PCDHA10: variants seen among roughly 807,000 people sequenced by gnomAD.
The protein encoded by PCDHA10 is protocadherin alpha-10.
Under a neutral mutation model 61.2 loss-of-function variants are expected in PCDHA10, and 45 were observed. The ratio of observed to expected loss-of-function variants is 0.74; its 90% CI spans 0.58 to 0.94. PCDHA10 has a LOEUF of 0.94. PCDHA10 is among the 40% of genes least tolerant of loss of function. The pLI is 0.00. For synonymous variants in PCDHA10, 602 were observed against 548.8 expected (o/e 1.10, Z -1.35); for missense variants, 1,278 against 1,236.2 (o/e 1.03, Z -0.51).
chr5:140,983,629 T>C (rs2097059537), intron 3 of PCDHA10, among the ~76,000 whole-genome samples: 1 of 152,228 alleles, frequency 6.6e-6, no homozygotes, highest in African/African-American at 2.4e-5. Flanking sequence ...TTAAGAAATG[T>C]ACCCAAGTTC....
chr5:140,957,827 T>C (rs2095387768), intron 1 of PCDHA10, among the ~76,000 whole-genome samples: 1 of 150,810 alleles, frequency 6.6e-6, no homozygotes, highest in Admixed American at 6.7e-5. Flanking sequence ...TAAGAGAAAG[T>C]GTTAATTGAT....
At chr5:140,884,456 G>T in intron 1 of PCDHA10, 2 of 1,613,768 alleles carry the variant, frequency 1.2e-6, no homozygotes, top group Non-Finnish European at 1.7e-6. Context: ...GCCCACCGAG[G>T]GCGCGTGCGC....
chr5:140,877,516 G>A, intron 1 of PCDHA10: 1 of 1,613,816 alleles, frequency 6.2e-7, no homozygotes, highest in Non-Finnish European at 8.5e-7. Flanking sequence ...GTCGTCGCGG[G>A]CCTCAGTGGG....
At chr5:140,934,879 T>C (rs1202301097) in intron 1 of PCDHA10, among the ~76,000 whole-genome samples, 1 of 152,206 alleles carries the variant, frequency 6.6e-6, no homozygotes, top group African/African-American at 2.4e-5. Flanking sequence ...TGTTTGTGTA[T>C]CTTGTTTTAA....
intron 1 of PCDHA10, among the ~76,000 whole-genome samples, chr5:140,931,598 A>G (rs2087630191): frequency 6.6e-6 from 1 of 152,200 alleles, no homozygotes; most frequent in African/African-American, 2.4e-5. Context: ...GTCTTTTTCC[A>G]TCATTGTTGA....
At chr5:141,001,997 CA>C (rs1587968703) in intron 3 of PCDHA10, among the ~76,000 whole-genome samples, 1 of 152,190 alleles carries the variant, frequency 6.6e-6, no homozygotes, top group Admixed American at 6.5e-5. Flanking sequence ...AGTTCACTTG[CA>C]AACACAGAAT....
At position 140,926,851 on chromosome 5, in the gene PCDHA10, T is replaced by G. The variant is rs201136210; in HGVS notation, c.2389-52098T>G. On this transcript the variant is annotated intron_variant, in intron 1 of 3. Transcript: ENST00000307360. The stretch of plus-strand genomic sequence containing the variant: ...TCCGGAGCATGGTCCTGGGTCACCG[T>G]TGGTGTAGCGTGTTGGTGGAACGTG... 3 of 1,517,102 alleles carry G rather than the reference T, an allele frequency of 2.0e-6. No homozygotes were observed. In the African/African-American group the frequency reaches 4.2e-5, roughly 21 times the overall value. The allele number at this position is 1,517,102 out of a possible 1,614,324, so 94.0% of individuals were successfully genotyped here.
intron 1 of PCDHA10, chr5:140,883,801 C>T (rs782690228): frequency 4.3e-6 from 7 of 1,612,430 alleles, no homozygotes; most frequent in Non-Finnish European, 5.9e-6. Context: ...TGTCGGTGCA[C>T]GCGGAGAGCG....
intron 1 of PCDHA10, among the ~76,000 whole-genome samples, chr5:140,935,116 C>T (rs2090194943): frequency 6.6e-6 from 1 of 152,126 alleles, no homozygotes; most frequent in Non-Finnish European, 1.5e-5. Flanking sequence ...AGAGCTTTCA[C>T]TTATTTTTAG....
At chr5:140,918,432 T>C (rs1462854272) in intron 1 of PCDHA10, among the ~76,000 whole-genome samples, 2 of 152,204 alleles carry the variant, frequency 1.3e-5, no homozygotes, top group Non-Finnish European at 2.9e-5. Context: ...GGATGTTGAA[T>C]AGGAGTGGTG....
intron 1 of PCDHA10, chr5:140,870,468 A>G: frequency 1.2e-6 from 2 of 1,614,214 alleles, no homozygotes; most frequent in Non-Finnish European, 8.5e-7. Flanking sequence ...CTGCGTTCGC[A>G]CAGCCCGAGT....
intron 1 of PCDHA10, chr5:140,927,771 G>C: frequency 6.2e-7 from 1 of 1,614,210 alleles, no homozygotes; most frequent in Non-Finnish European, 8.5e-7. Flanking sequence ...GTGGGGAGGT[G>C]CAAGTAGCTG....
At chr5:140,967,246 G>A in intron 1 of PCDHA10, 1 of 1,613,594 alleles carries the variant, frequency 6.2e-7, no homozygotes, top group Non-Finnish European at 8.5e-7. Context: ...TAAGCGAATC[G>A]GTGGCGCCTG....
rs782778779 is a variant in PCDHA10, at chr5:140,858,081, C to T, written c.2033C>T (p.Ser678Leu). Reference protein sequence around the residue: ...LVEGSQAPKASSRASVGVAPE... With the variant: ...LVEGSQAPKALSRASVGVAPE... ...GAGGGCAGCCAGGCACCCAAGGCCT[C>T]GTCGCGGGCTTCAGTGGGCGTGGCG... Residue 678 changes from serine (S) to leucine (L), a missense_variant, in exon 1 of 4, where the codon TCG becomes TTG. Transcript: ENST00000307360. The T allele has an allele frequency of 6.9e-6, 11 of 1,597,646 alleles. 3 individuals are homozygous for T. The highest frequency in any genetic ancestry group is 1.7e-5 in the Admixed American group (1 of 59,270).
chr5:140,882,748 A>G (rs1562779294), intron 1 of PCDHA10: 1 of 1,614,258 alleles, frequency 6.2e-7, no homozygotes, highest in Non-Finnish European at 8.5e-7. Flanking sequence ...CATCCGATGC[A>G]GATATTGGAG....
chr5:140,933,900 G>T (rs941556210), intron 1 of PCDHA10, among the ~76,000 whole-genome samples: 1 of 151,518 alleles, frequency 6.6e-6, no homozygotes, highest in South Asian at 2.1e-4. Flanking sequence ...GAATATTTTG[G>T]CATAAAGTTG....
At chr5:140,929,353 C>T in intron 1 of PCDHA10, 1 of 1,527,090 alleles carries the variant, frequency 6.5e-7, no homozygotes, top group Non-Finnish European at 8.8e-7. Context: ...AATTTGATTC[C>T]TTTGGCCCGG....
At chr5:141,002,532 C>T (rs571310813) in intron 3 of PCDHA10, among the ~76,000 whole-genome samples, 26 of 152,270 alleles carry the variant, frequency 1.7e-4, no homozygotes, top group African/African-American at 6.0e-4. Flanking sequence ...AGTCAGACTC[C>T]CTAGATTTGA....
chr5:140,996,341 C>T (rs1554255109), intron 3 of PCDHA10, among the ~76,000 whole-genome samples: 2 of 152,160 alleles, frequency 1.3e-5, no homozygotes, highest in African/African-American at 4.8e-5. Context: ...AGTTTGAAAA[C>T]CCAACCAAAG....
Sources: allele counts gnomAD v4.1 joint callset (sites outside exome capture counted in the v4.1 genomes callset), GRCh38; gene constraint gnomAD v4.1.1; transcripts MANE v1.5; gene names NCBI Gene and HGNC (gene_info 2026-07-23, HGNC 2026-07-21).